TTLL11: variants seen among roughly 807,000 people sequenced by gnomAD.
The protein encoded by TTLL11 is tubulin polyglutamylase TTLL11.
Under a neutral mutation model 51.7 loss-of-function variants are expected in TTLL11, and 42 were observed. That is an observed-to-expected ratio of 0.81 (90% confidence interval 0.64 to 1.05). The LOEUF (loss-of-function observed/expected upper bound fraction) is 1.05, where lower values mean the gene tolerates loss of function less well. Among genes scored for constraint, TTLL11 ranks in the 50% least tolerant of loss-of-function variants. The pLI is 0.00. For missense variants in TTLL11, 799 were observed against 940.4 expected, an observed-to-expected ratio of 0.85 and a Z score of 1.97; for synonymous variants, 381 against 383.5, an observed-to-expected ratio of 0.99 and a Z score of 0.08.
intron 8 of TTLL11, among the ~76,000 whole-genome samples, chr9:121,846,486 T>G (rs1434793510): frequency 1.3e-5 from 2 of 152,294 alleles, no homozygotes; most frequent in East Asian, 3.9e-4. Flanking sequence ...TATACATTCT[T>G]CCCAGTTCAA....
chr9:121,844,603 T>G (rs563304316), intron 8 of TTLL11, among the ~76,000 whole-genome samples: 2 of 152,320 alleles, frequency 1.3e-5, no homozygotes, highest in African/African-American at 4.8e-5. Flanking sequence ...ATTAATATGT[T>G]AAAGTCTCTA....
intron 3 of TTLL11, among the ~76,000 whole-genome samples, chr9:121,999,832 A>G (rs1843407538): frequency 1.3e-5 from 2 of 152,214 alleles, no homozygotes; most frequent in African/African-American, 2.4e-5. Flanking sequence ...ACTGAGATTT[A>G]CAGGGTAATT....
intron 6 of TTLL11, among the ~76,000 whole-genome samples, chr9:121,929,168 G>A (rs769863320): frequency 2.6e-5 from 4 of 152,106 alleles, no homozygotes; most frequent in Non-Finnish European, 4.4e-5. Context: ...TTGGCCGGGC[G>A]CGGTGGCTTA....
intron 7 of TTLL11, among the ~76,000 whole-genome samples, chr9:121,860,708 T>C (rs947992364): frequency 1.3e-5 from 2 of 152,176 alleles, no homozygotes; most frequent in African/African-American, 4.8e-5. Flanking sequence ...CATGTGAACA[T>C]AGAAGAAGGC....
intron 8 of TTLL11, among the ~76,000 whole-genome samples, chr9:121,828,319 T>C (rs1836888362): frequency 6.6e-6 from 1 of 151,860 alleles, no homozygotes; most frequent in African/African-American, 2.4e-5. Context: ...ATTACAGGCA[T>C]GCACCACTAT....
At chr9:121,833,677 C>T (rs929967738) in intron 8 of TTLL11, among the ~76,000 whole-genome samples, 5 of 152,138 alleles carry the variant, frequency 3.3e-5, no homozygotes, top group Admixed American at 6.5e-5. Flanking sequence ...CATTTACATG[C>T]GTAGCTGACT....
intron 6 of TTLL11, among the ~76,000 whole-genome samples, chr9:121,961,603 C>G (rs576956733): frequency 3.3e-5 from 5 of 152,310 alleles, no homozygotes; most frequent in South Asian, 4.1e-4. Context: ...TCTCTCTACC[C>G]TACGACACCA....
chr9:121,871,792 G>A (rs1242905110), intron 6 of TTLL11, among the ~76,000 whole-genome samples: 2 of 152,138 alleles, frequency 1.3e-5, no homozygotes, highest in Non-Finnish European at 2.9e-5. Flanking sequence ...CTTGTGTGCT[G>A]CTCCTCCCAA....
At chr9:121,944,628 T>C (rs1222270458) in intron 6 of TTLL11, among the ~76,000 whole-genome samples, 1 of 152,224 alleles carries the variant, frequency 6.6e-6, no homozygotes, top group Non-Finnish European at 1.5e-5. Flanking sequence ...TCCAGATGCT[T>C]TTAAACAAAA....
intron 1 of TTLL11, among the ~76,000 whole-genome samples, chr9:122,088,207 C>T (rs1026757849): frequency 2.0e-5 from 3 of 152,216 alleles, no homozygotes; most frequent in African/African-American, 7.2e-5. Flanking sequence ...CCATATGCTC[C>T]CTCAGCTGCC....
intron 7 of TTLL11, among the ~76,000 whole-genome samples, chr9:121,868,560 C>T (rs571602219): frequency 1.3e-5 from 2 of 152,210 alleles, no homozygotes; most frequent in East Asian, 3.9e-4. Flanking sequence ...TTTTGAGCAG[C>T]CCTCTTGTGA....
intron 8 of TTLL11, among the ~76,000 whole-genome samples, chr9:121,844,870 G>A (rs757842827): frequency 6.9e-4 from 105 of 152,076 alleles, no homozygotes; most frequent in Non-Finnish European, 1.2e-3. Flanking sequence ...TCCAGGAACA[G>A]TGGGACAATG....
At chr9:122,087,418 T>C (rs1373458881) in intron 1 of TTLL11, among the ~76,000 whole-genome samples, 1 of 152,166 alleles carries the variant, frequency 6.6e-6, no homozygotes, top group African/African-American at 2.4e-5. Context: ...ATTATACAAG[T>C]TGTAAGTAGG....
At chr9:122,091,631 G>A (rs757950713) in intron 1 of TTLL11, among the ~76,000 whole-genome samples, 1 of 152,038 alleles carries the variant, frequency 6.6e-6, no homozygotes, top group African/African-American at 2.4e-5. Flanking sequence ...AACCATTACC[G>A]AGCATCTACC....
chr9:121,954,420 A>C (rs1841956278), intron 6 of TTLL11, among the ~76,000 whole-genome samples: 1 of 152,260 alleles, frequency 6.6e-6, no homozygotes, highest in Non-Finnish European at 1.5e-5. Flanking sequence ...GCTGAGGATA[A>C]ATGCGAAACC....
At position 121,995,845 on chromosome 9, in the gene TTLL11, C is replaced by T. The variant is rs1426675423; in HGVS notation, c.694-6075G>A. Among the ~76,000 whole-genome samples, 1 of 152,200 alleles carries T rather than the reference C, an allele frequency of 6.6e-6. No individual in the cohort carries two copies. The highest frequency in any genetic ancestry group is 1.5e-5 in the Non-Finnish European group (1 of 68,036). The stretch of plus-strand genomic sequence containing the variant: ...CTGTCCGACAGGGATGAGACTCAGA[C>T]TCTAAACTCAGATGGCGCATACCTC... On this transcript the variant is annotated intron_variant, in intron 3 of 8. Coordinates refer to ENST00000321582, the MANE Select transcript of TTLL11 (RefSeq NM_001139442.2). This position sits in a 1 kb window ranked among gnomAD's most constrained non-coding sequence, Gnocchi z 4.4.
chr9:121,829,787 ACACACACACACACACACACACACACAC>A (rs1441044832), intron 8 of TTLL11, among the ~76,000 whole-genome samples: 1 of 151,318 alleles, frequency 6.6e-6, no homozygotes, highest in African/African-American at 2.4e-5. Context: ...ACACACACAC[ACACACACACACACACACACACACACAC>A]CACACACACA....
intron 8 of TTLL11, among the ~76,000 whole-genome samples, chr9:121,847,885 T>C (rs374091350): frequency 7.2e-5 from 11 of 152,308 alleles, no homozygotes; most frequent in Admixed American, 2.0e-4. Context: ...CTCTTGAGCA[T>C]AGATGCAAAA....
intron 3 of TTLL11, among the ~76,000 whole-genome samples, chr9:121,997,163 A>C (rs1843295659): frequency 6.6e-6 from 1 of 152,156 alleles, no homozygotes; most frequent in Admixed American, 6.5e-5. Context: ...TGTGAGCCAT[A>C]ATCTACCCAT....
Sources: allele counts gnomAD v4.1 joint callset (sites outside exome capture counted in the v4.1 genomes callset), GRCh38; gene constraint gnomAD v4.1.1; non-coding constraint Gnocchi (gnomAD v3.1); transcripts MANE v1.5; gene names NCBI Gene and HGNC (gene_info 2026-07-23, HGNC 2026-07-21).